TSPAN9: variants seen among roughly 807,000 people sequenced by gnomAD.
TSPAN9 encodes the protein tetraspanin 9, also known as tetraspanin-9.
TSPAN9 carries 16 observed loss-of-function variants against 31.0 expected under a neutral mutation model. The observed-to-expected ratio is 0.52, with a 90% CI of 0.35 to 0.78. TSPAN9 has a LOEUF of 0.78. TSPAN9 is among the 30% of genes least tolerant of loss of function. The pLI is 0.01. For missense variants in TSPAN9, 272 were observed against 312.5 expected, an observed-to-expected ratio of 0.87 and a Z score of 0.98; for synonymous variants, 145 against 121.6, an observed-to-expected ratio of 1.19 and a Z score of -1.27.
intron 2 of TSPAN9, among the ~76,000 whole-genome samples, chr12:3,157,462 A>G (rs1591652475): frequency 6.6e-6 from 1 of 152,326 alleles, no homozygotes; most frequent in East Asian, 1.9e-4. Context: ...GTTCAAGCTT[A>G]GCCCTCTGAC....
intron 3 of TSPAN9, among the ~76,000 whole-genome samples, chr12:3,220,304 C>G (rs533191879): frequency 6.6e-6 from 1 of 152,178 alleles, no homozygotes; most frequent in Non-Finnish European, 1.5e-5. Flanking sequence ...CAAAGACTTC[C>G]GTGCTCTTAA....
intron 3 of TSPAN9, among the ~76,000 whole-genome samples, chr12:3,267,653 G>A (rs1347377653): frequency 6.6e-6 from 1 of 152,234 alleles, no homozygotes; most frequent in African/African-American, 2.4e-5. Flanking sequence ...CAAAACAAAT[G>A]CAGGAAGGAA....
chr12:3,281,454 T>A (rs2153981051), intron 7 of TSPAN9, 125 bp downstream of exon 7: 34 of 904,804 alleles, frequency 3.8e-5, no homozygotes, highest in Non-Finnish European at 4.7e-5. Context: ...GGTGGGGGGC[T>A]CACAAAAATA....
chr12:3,229,328 A>T (rs2098389454), intron 3 of TSPAN9, among the ~76,000 whole-genome samples: 1 of 152,168 alleles, frequency 6.6e-6, no homozygotes, highest in Non-Finnish European at 1.5e-5. Context: ...TCTCAACCTC[A>T]TTGGTCTCGT....
intron 3 of TSPAN9, among the ~76,000 whole-genome samples, chr12:3,219,182 G>A (rs1241950105): frequency 2.6e-5 from 4 of 152,256 alleles, no homozygotes; most frequent in Admixed American, 6.5e-5. Flanking sequence ...AGCCTTGGGT[G>A]TCAGTCACTG....
rs567175481 is a variant in TSPAN9, at chr12:3,152,285, A to G, written c.-17-48892A>G. On this transcript the variant is annotated intron_variant, in intron 2 of 8. Coordinates refer to ENST00000011898, the MANE Select transcript of TSPAN9 (RefSeq NM_006675.5). ...GGGGTCAGCCCTCCTGATTGTCAGCAGGATCCTGGCACCCAGCTCCTCCCT... is the reference window on the plus strand; with the variant it reads ...GGGGTCAGCCCTCCTGATTGTCAGCGGGATCCTGGCACCCAGCTCCTCCCT... 4.7e-4 allele frequency among the ~76,000 whole-genome samples: 72 copies of G among 152,336 alleles called. No homozygotes were observed. In the South Asian group the frequency reaches 0.014, roughly 30 times the overall value.
Position 3,201,316 on chromosome 12 carries a change from C to G in TSPAN9, c.63+60C>G, listed in dbSNP as rs740775. On this transcript the variant is annotated intron_variant, in intron 3 of 8. Transcript: ENST00000011898. ...TTCTCCTCCTCTTGGCTTACCATAG[C>G]GTGAATACCCTCTCCCTCTTCTGTG... 909,613 of 1,487,612 alleles carry G rather than the reference C, an allele frequency of 0.61. 279,062 individuals are homozygous for G. The highest frequency in any genetic ancestry group is 0.65 in the East Asian group (28,652 of 44,224). 92.2% of individuals were successfully genotyped at this position (1,487,612 alleles called of 1,614,324 possible). A position where few individuals can be genotyped will look rare whatever the true frequency, so the allele number is the denominator to read the frequency against.
chr12:3,194,074 C>T lies in TSPAN9; in HGVS notation c.-17-7103C>T, dbSNP rs551440973. Among the ~76,000 whole-genome samples the T allele has an allele frequency of 4.6e-5, 7 of 152,314 alleles. No homozygotes were observed. The South Asian group carries it at 1.5e-3, about 32-fold the overall frequency. ...ATGAACTCAAGGCTGTCAGGCTGTC[C>T]TTGAGGAGAGCTCAAGATTTAGGCA... On this transcript the variant is annotated intron_variant, in intron 2 of 8. Transcript: ENST00000011898.
At chr12:3,221,910 A>G (rs891107921) in intron 3 of TSPAN9, among the ~76,000 whole-genome samples, 2 of 152,276 alleles carry the variant, frequency 1.3e-5, no homozygotes, top group Non-Finnish European at 2.9e-5. Flanking sequence ...CCAAAGTGCT[A>G]GGATGATTGG....
Position 3,283,163 on chromosome 12 carries a change from GAA to G in TSPAN9, c.*48_*49del. 6.3e-7 allele frequency: 1 copy of G among 1,591,406 alleles called. No individual in the cohort carries two copies. The highest frequency in any genetic ancestry group is 8.5e-7 in the Non-Finnish European group (1 of 1,170,882). ...ACCCCGCCCTGCTGCCCTGTGGAGG[GAA>G]GAGGATTGAGCTTTGTGTCACCTGC... On this transcript the variant is annotated 3_prime_UTR_variant, in exon 9 of 9. Transcript: ENST00000011898.
chr12:3,102,728 C>T (rs555273260), intron 2 of TSPAN9, among the ~76,000 whole-genome samples: 19 of 152,312 alleles, frequency 1.2e-4, no homozygotes, highest in African/African-American at 3.9e-4. Flanking sequence ...TGAGCCACTG[C>T]GCCTGGCCCC....
chr12:3,278,355 C>A, intron 3 of TSPAN9, 66 bp from the exon 4 acceptor site: 2 of 1,582,580 alleles, frequency 1.3e-6, no homozygotes, highest in Non-Finnish European at 8.6e-7. Flanking sequence ...GGGACCTGCA[C>A]TGTTCCCAGG....
At chr12:3,229,977 G>A (rs1565623849) in intron 3 of TSPAN9, among the ~76,000 whole-genome samples, 1 of 152,204 alleles carries the variant, frequency 6.6e-6, no homozygotes, top group Admixed American at 6.5e-5. Flanking sequence ...AGAATCCAGG[G>A]CTGGGTCCCC....
intron 2 of TSPAN9, among the ~76,000 whole-genome samples, chr12:3,198,182 C>T (rs1260298181): frequency 9.3e-5 from 8 of 85,922 alleles, no homozygotes; most frequent in East Asian, 7.2e-4. Flanking sequence ...CAGCTCACCA[C>T]CAGCACAGGC....
chr12:3,135,945 G>A (rs1039864963), intron 2 of TSPAN9, among the ~76,000 whole-genome samples: 3 of 152,152 alleles, frequency 2.0e-5, no homozygotes, highest in African/African-American at 7.2e-5. Flanking sequence ...TCTTTGCCAC[G>A]TGTGCTGGCT....
chr12:3,207,125 G>A (rs2098375705), intron 3 of TSPAN9, among the ~76,000 whole-genome samples: 1 of 152,042 alleles, frequency 6.6e-6, no homozygotes, highest in African/African-American at 2.4e-5. Context: ...CCGAAGTAGA[G>A]GGGCACTGCA....
chr12:3,211,715 C>T, intron 3 of TSPAN9: 4 of 1,596,710 alleles, frequency 2.5e-6, no homozygotes, highest in Admixed American at 1.7e-5. Flanking sequence ...TGCTTTTCCT[C>T]CTGTAGGCTG....
chr12:3,206,047 C>T (rs1056165043), intron 3 of TSPAN9, among the ~76,000 whole-genome samples: 7 of 152,156 alleles, frequency 4.6e-5, no homozygotes, highest in African/African-American at 1.4e-4. Flanking sequence ...AAAGGGTAAG[C>T]AGCTCGCTCT....
intron 2 of TSPAN9, among the ~76,000 whole-genome samples, chr12:3,183,010 C>T (rs1405213109): frequency 1.3e-5 from 2 of 152,228 alleles, no homozygotes; most frequent in Non-Finnish European, 2.9e-5. Flanking sequence ...TGGGGATCTG[C>T]TCTGTCGGCT....
Sources: allele counts gnomAD v4.1 joint callset (sites outside exome capture counted in the v4.1 genomes callset), GRCh38; gene constraint gnomAD v4.1.1; transcripts MANE v1.5; gene names NCBI Gene and HGNC (gene_info 2026-07-23, HGNC 2026-07-21).